SCARB1: variants seen among roughly 807,000 people sequenced by gnomAD.
SCARB1 encodes CD36 and LIMPII analogous 1.
A neutral mutation model predicts 57.2 loss-of-function variants in SCARB1; 30 were observed. That is an observed-to-expected ratio of 0.52 (90% confidence interval 0.39 to 0.71). The LOEUF (loss-of-function observed/expected upper bound fraction) is 0.71. Among genes scored for constraint, SCARB1 ranks in the 30% least tolerant of loss-of-function variants. The probability of loss-of-function intolerance (pLI) is 0.00; values close to 1 mark genes in which losing one functional copy is unlikely to be tolerated. For missense variants in SCARB1, 543 were observed against 671.2 expected (o/e 0.81, Z 2.11); for synonymous variants, 249 against 268.3 (o/e 0.93, Z 0.70).
chr12:124,833,619 C>A (rs1951511546), intron 1 of SCARB1, among the ~76,000 whole-genome samples: 1 of 152,146 alleles, frequency 6.6e-6, no homozygotes, highest in Non-Finnish European at 1.5e-5. Context: ...ACCCAGAGAC[C>A]CCAGAGCATC....
chr12:124,781,194 G>T (rs1873403591), intron 12 of SCARB1, among the ~76,000 whole-genome samples: 2 of 152,184 alleles, frequency 1.3e-5, no homozygotes, highest in African/African-American at 2.4e-5. Context: ...ACGCCAACAG[G>T]CTCCTGCCTG....
intron 6 of SCARB1, among the ~76,000 whole-genome samples, chr12:124,808,368 C>A (rs1322470117): frequency 3.3e-5 from 5 of 152,176 alleles, no homozygotes; most frequent in Non-Finnish European, 7.4e-5. Flanking sequence ...AAATCTGTGA[C>A]CCTTTCTAGT....
intron 7 of SCARB1, among the ~76,000 whole-genome samples, chr12:124,803,873 A>G (rs1009010335): frequency 2.0e-5 from 3 of 152,100 alleles, no homozygotes; most frequent in South Asian, 4.1e-4. Context: ...CAACAGAGAA[A>G]CCCTGTCTCA....
chr12:124,839,381 A>C (rs553991344), intron 1 of SCARB1: 14 of 441,826 alleles, frequency 3.2e-5, no homozygotes, highest in Middle Eastern at 7.4e-4. Flanking sequence ...CGTGCGTCCA[A>C]ACGTCCTTCC....
chr12:124,828,037 A>C (rs1951234659), intron 1 of SCARB1, among the ~76,000 whole-genome samples: 1 of 152,126 alleles, frequency 6.6e-6, no homozygotes, highest in South Asian at 2.1e-4. Flanking sequence ...GTGAGACCTG[A>C]AACCATATAA....
intron 1 of SCARB1, among the ~76,000 whole-genome samples, chr12:124,851,669 G>A (rs1051373072): frequency 2.0e-5 from 3 of 148,098 alleles, no homozygotes; most frequent in Non-Finnish European, 3.0e-5. Flanking sequence ...GTGCAGTGGC[G>A]CGATCTCAGC....
At position 124,814,162 on chromosome 12, in the gene SCARB1, A is replaced by G. The variant is rs1937610113; in HGVS notation, c.630+40T>C. 6.7e-7 allele frequency: 1 copy of G among 1,494,838 alleles called. No homozygotes were observed. The highest frequency in any genetic ancestry group is 9.3e-7 in the Non-Finnish European group (1 of 1,071,916). The allele number at this position is 1,494,838 out of a possible 1,614,324, so 92.6% of individuals were successfully genotyped here. ...AGGCTGTGTGAGGGGAAGACAGGAC[A>G]CAGGCCTGAATCTTTGGCTTCTCAC... On this transcript the variant is annotated intron_variant, in intron 4 of 12. Transcript: ENST00000261693. The surrounding 1 kb of genome is among the most constrained non-coding windows in gnomAD (Gnocchi z 4.7).
intron 9 of SCARB1, 90 bp downstream of exon 9, chr12:124,795,105 G>C: frequency 9.3e-7 from 1 of 1,079,820 alleles, no homozygotes; most frequent in Non-Finnish European, 1.4e-6. Flanking sequence ...CTGGTTCCTG[G>C]GGTATGTCAC....
At chr12:124,787,054 C>T (rs1949551381) in intron 10 of SCARB1, among the ~76,000 whole-genome samples, 1 of 152,144 alleles carries the variant, frequency 6.6e-6, no homozygotes, top group African/African-American at 2.4e-5. Context: ...TGAAAAGCTG[C>T]GAGAGAAGTA....
chr12:124,778,304 G>T lies in SCARB1; in HGVS notation c.*283C>A. The T allele has an allele frequency of 1.5e-6, 1 of 676,414 alleles. No homozygotes were observed. The highest frequency in any genetic ancestry group is 2.1e-6 in the Non-Finnish European group (1 of 480,248). 41.9% of individuals were successfully genotyped at this position (676,414 alleles called of 1,614,324 possible). A position where few individuals can be genotyped will look rare whatever the true frequency, so the allele number is the denominator to read the frequency against. ...CCCTGTGGTCAGGCCTGTGGGCCAC[G>T]TGGAGAGAAGGTTCCAGAACAGTGC... On this transcript the variant is annotated 3_prime_UTR_variant, in exon 13 of 13. Coordinates refer to ENST00000261693, the MANE Select transcript of SCARB1 (RefSeq NM_005505.5).
chr12:124,845,346 G>A (rs532074790), intron 1 of SCARB1, among the ~76,000 whole-genome samples: 1 of 152,176 alleles, frequency 6.6e-6, no homozygotes, highest in South Asian at 2.1e-4. Context: ...AAAACATGAC[G>A]CTAAGCGGAA....
chr12:124,848,019 A>ATTGTT lies in SCARB1; in HGVS notation c.126+15575_126+15576insAACAA, dbSNP rs370334690. ...AGCAAAGAGAAAAGGGCTGGAGAAC[A>ATTGTT]GGTCTGGATTAAAGAGGAAAAACAC... On this transcript the variant is annotated intron_variant, in intron 1 of 12. Transcript: ENST00000261693. Among the ~76,000 whole-genome samples the ATTGTT allele has an allele frequency of 7.2e-4, 109 of 152,296 alleles. 1 individual carries two copies. The highest frequency in any genetic ancestry group is 2.6e-3 in the African/African-American group (107 of 41,566).
chr12:124,814,435 G>A lies in SCARB1; in HGVS notation c.427-30C>T. On this transcript the variant is annotated intron_variant, in intron 3 of 12. Transcript: ENST00000261693. This position sits in a 1 kb window ranked among gnomAD's most constrained non-coding sequence, Gnocchi z 4.7. ...AAGGCGAAGGGACACTAGTGTCAGAGGCTGGACGTGGCTGGCCCATCCTCC... is the reference window on the plus strand; with the variant it reads ...AAGGCGAAGGGACACTAGTGTCAGAAGCTGGACGTGGCTGGCCCATCCTCC... 1.2e-6 allele frequency: 2 copies of A among 1,604,868 alleles called. No homozygotes were observed. Among genetic ancestry groups the A allele is most frequent in the Non-Finnish European group, 1.7e-6 (2 of 1,173,224 alleles).
intron 1 of SCARB1, among the ~76,000 whole-genome samples, chr12:124,857,535 G>C (rs928718607): frequency 6.6e-6 from 1 of 152,180 alleles, no homozygotes; most frequent in African/African-American, 2.4e-5. Flanking sequence ...TGGGGGTCGC[G>C]CCCGCCTCAT....
intron 1 of SCARB1, among the ~76,000 whole-genome samples, chr12:124,838,965 G>T (rs888022998): frequency 6.6e-6 from 1 of 151,858 alleles, no homozygotes; most frequent in East Asian, 1.9e-4. Flanking sequence ...AGTAGAGACG[G>T]GGTTTCACCA....
Position 124,787,392 on chromosome 12 carries a change from C to T in SCARB1, c.1254+14G>A. The T allele has an allele frequency of 6.2e-7, 1 of 1,613,334 alleles. No individual in the cohort carries two copies. Among genetic ancestry groups the T allele is most frequent in the South Asian group, 1.1e-5 (1 of 90,948 alleles). On this transcript the variant is annotated intron_variant, in intron 10 of 12. Coordinates refer to ENST00000261693, the MANE Select transcript of SCARB1 (RefSeq NM_005505.5). The stretch of plus-strand genomic sequence containing the variant: ...TAACAAAAGCCCCCGACGCTGTGCC[C>T]AACGCACCCTTACCTCTGCAAACCA...
At chr12:124,778,702 C>T (rs1872779191) in intron 12 of SCARB1, 116 bp from the exon 13 acceptor site, 3 of 1,083,098 alleles carry the variant, frequency 2.8e-6, no homozygotes, top group Non-Finnish European at 3.6e-6. Flanking sequence ...ACCCCCGCCA[C>T]CAGGCTGTCA....
At chr12:124,816,666 G>A (rs1168641810) in intron 2 of SCARB1, among the ~76,000 whole-genome samples, 4 of 152,118 alleles carry the variant, frequency 2.6e-5, no homozygotes, top group African/African-American at 7.2e-5. Context: ...TGTGAACTGG[G>A]AAGTGGGGGT....
At chr12:124,797,660 T>C (rs144000751) in intron 8 of SCARB1, among the ~76,000 whole-genome samples, 499 of 152,190 alleles carry the variant, frequency 3.3e-3, no homozygotes, top group African/African-American at 0.011. Context: ...AAGCGATCAC[T>C]GAGAGCGCAC....
Sources: gnomAD v4.1 joint callset for allele counts (sites outside exome capture counted in the v4.1 genomes callset) on GRCh38, gnomAD v4.1.1 for gene constraint, Gnocchi (gnomAD v3.1) non-coding constraint, MANE v1.5 for transcripts, NCBI Gene and HGNC (gene_info 2026-07-23, HGNC 2026-07-21) for gene names.